GSTA5: variants seen among roughly 807,000 people sequenced by gnomAD.
The protein encoded by GSTA5 is glutathione S-transferase A5.
A neutral mutation model predicts 21.8 loss-of-function variants in GSTA5; 25 were observed. The ratio of observed to expected loss-of-function variants is 1.14; its 90% CI spans 0.83 to 1.60. GSTA5 has a LOEUF of 1.60. GSTA5 is among the 40% of genes most tolerant of loss of function. The probability of loss-of-function intolerance (pLI) is 0.00; values close to 1 mark genes in which losing one functional copy is unlikely to be tolerated. For synonymous variants in GSTA5, 102 were observed against 89.5 expected (o/e 1.14, Z -0.78); for missense variants, 330 against 259.2 (o/e 1.27, Z -1.88).
At chr6:52,833,158 A>G (rs1465642477) in intron 4 of GSTA5, among the ~76,000 whole-genome samples, 168 bp from the exon 5 acceptor site, 1 of 152,206 alleles carries the variant, frequency 6.6e-6, no homozygotes, top group Non-Finnish European at 1.5e-5. Flanking sequence ...GAGAGTAAGA[A>G]CTATAACTCT....
intron 3 of GSTA5, among the ~76,000 whole-genome samples, chr6:52,835,615 G>A (rs1764281253): frequency 1.3e-5 from 2 of 152,142 alleles, no homozygotes; most frequent in South Asian, 4.1e-4. Flanking sequence ...GGATTTATTT[G>A]TAATTATGCA....
chr6:52,834,243 T>G, exon 4 of GSTA5: 1 of 1,613,950 alleles, frequency 6.2e-7, no homozygotes, highest in East Asian at 2.2e-5. Context: ...GAAGGATCAT[T>G]TCAGTCAAAT....
At chr6:52,836,337 C>A (rs755342421) in exon 3 of GSTA5, 30 of 1,613,524 alleles carry the variant, frequency 1.9e-5, no homozygotes, top group Non-Finnish European at 2.5e-5. Flanking sequence ...CAATCTCAAC[C>A]ATTGGTACTT....
At chr6:52,834,210 C>G (rs766215803) in exon 4 of GSTA5, 1 of 1,613,894 alleles carries the variant, frequency 6.2e-7, no homozygotes, top group East Asian at 2.2e-5. Context: ...CATCTCTTTC[C>G]TCTGGTTGAC....
intron 3 of GSTA5, 112 bp from the exon 4 acceptor site, chr6:52,834,394 G>A: frequency 2.0e-6 from 2 of 987,884 alleles, no homozygotes; most frequent in Non-Finnish European, 3.0e-6. Context: ...TTCACCTCCA[G>A]TTAGTGCCTT....
exon 5 of GSTA5, chr6:52,832,860 T>A: frequency 6.2e-7 from 1 of 1,613,810 alleles, no homozygotes; most frequent in Non-Finnish European, 8.5e-7. Flanking sequence ...ATGGGTCACC[T>A]TCAGCAGAGG....
At chr6:52,834,335 A>C in intron 3 of GSTA5, 53 bp from the exon 4 acceptor site, 2 of 1,552,018 alleles carry the variant, frequency 1.3e-6, no homozygotes, top group Non-Finnish European at 1.7e-6. Flanking sequence ...TAGATTTTAT[A>C]GGTTTATAAA....
In GSTA5 at chr6:52,837,548, T is replaced by G; in HGVS notation, c.139+10A>C. 1 of 1,581,732 alleles carries G rather than the reference T, an allele frequency of 6.3e-7. No homozygotes were observed. The highest frequency in any genetic ancestry group is 1.7e-5 in the Admixed American group (1 of 59,836). On this transcript the variant is annotated intron_variant, in intron 2 of 5. Coordinates refer to ENST00000370989, the Ensembl canonical transcript of GSTA5. ...AACTCTCATCAGAGTTACTTAGAGA[T>G]TGATCTTACCATTTCTTAACTTGTC...
intron 3 of GSTA5, among the ~76,000 whole-genome samples, chr6:52,834,526 T>G (rs1190024627): frequency 6.6e-6 from 1 of 152,172 alleles, no homozygotes; most frequent in Admixed American, 6.5e-5. Context: ...TCTCAAAATT[T>G]TGTTACACAC....
At chr6:52,838,250 G>A (rs984218444) in intron 1 of GSTA5, among the ~76,000 whole-genome samples, 1 of 152,298 alleles carries the variant, frequency 6.6e-6, no homozygotes, top group Non-Finnish European at 1.5e-5. Context: ...TTCTGATGTG[G>A]TTTTGTGGGT....
exon 4 of GSTA5, chr6:52,834,185 C>T: frequency 6.2e-7 from 1 of 1,614,164 alleles, no homozygotes; most frequent in Non-Finnish European, 8.5e-7. Context: ...TTCTCTTTGA[C>T]CAAGGCAGTC....
At chr6:52,836,365 C>T (rs2127324094) in exon 3 of GSTA5, 4 of 1,613,636 alleles carry the variant, frequency 2.5e-6, no homozygotes, top group South Asian at 1.1e-5. Flanking sequence ...CAGCAAACTC[C>T]CATCTTAGAA....
chr6:52,841,770 T>C (rs1366318791), upstream of GSTA5, among the ~76,000 whole-genome samples: 3 of 152,204 alleles, frequency 2.0e-5, no homozygotes, highest in Non-Finnish European at 4.4e-5. Context: ...ATTTTACAGT[T>C]GAGGATACTG....
chr6:52,840,761 G>T lies in GSTA5; in HGVS notation c.53C>A (p.Ser18Tyr), dbSNP rs1195254045. 1.2e-5 allele frequency: 20 copies of T among 1,613,972 alleles called. No homozygotes were observed. The Admixed American group carries it at 2.3e-4, about 19-fold the overall frequency. ...AGCTGCAGCCAGGAGCCACCGAATG[G>T]ACTCCATACTGCCCCGTGCATTGGA... The change falls in exon 1 of 6, where the codon TCC (serine) becomes TAC (tyrosine). Residue 18 changes from serine (S) to tyrosine (Y), a missense_variant. Physicochemically the swap from Ser to Tyr is moderately radical, Grantham distance 144. Transcript: ENST00000370989.
chr6:52,840,658 T>C lies in GSTA5; in HGVS notation c.87+69A>G, dbSNP rs543279951. On this transcript the variant is annotated intron_variant, in intron 1 of 5. Coordinates refer to ENST00000370989, the Ensembl canonical transcript of GSTA5. ...GCTTCAGTAAGTAATCATTGCATAG[T>C]TTCTGTGGGAAAAGTATGTGATAAC... 1.7e-5 allele frequency: 23 copies of C among 1,370,586 alleles called. No homozygotes were observed. In the South Asian group the frequency reaches 2.6e-4, roughly 16 times the overall value. The allele number at this position is 1,370,586 out of a possible 1,614,324, so 84.9% of individuals were successfully genotyped here.
exon 3 of GSTA5, chr6:52,836,277 G>T (rs186717873): frequency 1.2e-6 from 2 of 1,613,856 alleles, no homozygotes; most frequent in Admixed American, 1.7e-5. Context: ...GGTTGTATTT[G>T]CTGGCAATGT....
Position 52,840,757 on chromosome 6 carries a change from A to G in GSTA5, c.57T>C (p.Ile19=), listed in dbSNP as rs762447563. ...CTCCAGCTGCAGCCAGGAGCCACCG[A>G]ATGGACTCCATACTGCCCCGTGCAT... The change falls in exon 1 of 6, where the codon ATT becomes ATC. Residue 19 remains isoleucine, a synonymous_variant. Coordinates refer to ENST00000370989, the Ensembl canonical transcript of GSTA5. 6.2e-6 allele frequency: 10 copies of G among 1,614,084 alleles called. No individual in the cohort carries two copies. The East Asian group carries it at 6.7e-5, about 11-fold the overall frequency.
At chr6:52,833,368 C>G (rs1764244982) in intron 4 of GSTA5, among the ~76,000 whole-genome samples, 1 of 152,164 alleles carries the variant, frequency 6.6e-6, no homozygotes, top group African/African-American at 2.4e-5. Context: ...CTCCCTCCCT[C>G]TCCAATCTCC....
chr6:52,832,256 G>T (rs1172814217), intron 5 of GSTA5, among the ~76,000 whole-genome samples: 1 of 152,158 alleles, frequency 6.6e-6, no homozygotes, highest in Non-Finnish European at 1.5e-5. Context: ...TATAAGACAA[G>T]AAAAATCAAT....
Sources: gnomAD v4.1 joint callset for allele counts (sites outside exome capture counted in the v4.1 genomes callset) on GRCh38, gnomAD v4.1.1 for gene constraint, MANE v1.5 for transcripts, NCBI Gene and HGNC (gene_info 2026-07-23, HGNC 2026-07-21) for gene names.